Variants in FAS observed in about 807,000 individuals in gnomAD.
FAS encodes Fas cell surface death receptor, also known as tumor necrosis factor receptor superfamily member 6.
Under a neutral mutation model 33.2 loss-of-function variants are expected in FAS, and 5 were observed. The observed-to-expected ratio is 0.15, with a 90% confidence interval of 0.08 to 0.32. The LOEUF is 0.32. FAS is among the 10% of genes least tolerant of loss of function. FAS has a pLI of 1.00. For missense variants in FAS, 339 were observed against 386.0 expected, an observed-to-expected ratio of 0.88 and a Z score of 1.02; for synonymous variants, 131 against 130.7, an observed-to-expected ratio of 1.00 and a Z score of -0.01.
Position 89,016,035 on chromosome 10 carries a change from G to C in FAS, c.*1585G>C, listed in dbSNP as rs1365956013. On this transcript the variant is annotated 3_prime_UTR_variant, in exon 9 of 9. Transcript: ENST00000652046. The stretch of plus-strand genomic sequence containing the variant: ...ATTCCAGATACTGGAATGTGGATAA[G>C]AAAGTATACATTTCAAGGGGTAGGT... The C allele has an allele frequency of 4.2e-6, 1 of 237,998 alleles. No individual in the cohort carries two copies. Among genetic ancestry groups the C allele is most frequent in the Non-Finnish European group, 8.3e-6 (1 of 120,594 alleles). The allele number at this position is 237,998 out of a possible 1,614,324, so 14.7% of individuals were successfully genotyped here.
upstream of FAS, among the ~76,000 whole-genome samples, chr10:88,983,231 T>G (rs1423391933): frequency 6.6e-6 from 1 of 152,168 alleles, no homozygotes; most frequent in Non-Finnish European, 1.5e-5. Flanking sequence ...ACAGCAAAAA[T>G]TCTTACTTAG....
At chr10:88,987,467 T>C (rs566282824), upstream of FAS, among the ~76,000 whole-genome samples, 18 of 152,272 alleles carry the variant, frequency 1.2e-4, no homozygotes, top group Admixed American at 7.2e-4. Context: ...TCTTTCAGCA[T>C]GGTTTCCTCT....
chr10:88,976,024 C>T (rs1014869831), intron 2 of FAS, among the ~76,000 whole-genome samples: 2 of 152,202 alleles, frequency 1.3e-5, no homozygotes, highest in African/African-American at 2.4e-5. Context: ...GCCACTGAAT[C>T]TTATGTCCCA....
chr10:89,001,520 C>A (rs913048104), intron 1 of FAS, among the ~76,000 whole-genome samples: 1 of 151,256 alleles, frequency 6.6e-6, no homozygotes, highest in East Asian at 1.9e-4. Context: ...TATTTGTAAC[C>A]GTCATGCTAG....
rs1277211942 is a variant in FAS at position 89,016,704 on chromosome 10, G to A, written c.*2254G>A. On this transcript the variant is annotated 3_prime_UTR_variant, in exon 9 of 9. Coordinates refer to ENST00000652046, the MANE Select transcript of FAS (RefSeq NM_000043.6). ...CATTCTGGTGAACCTGGTTCTCTTT[G>A]TGGTGGGCATACTGGGTAGGAGAAT... 1 of 223,696 alleles carries A rather than the reference G, an allele frequency of 4.5e-6. No individual in the cohort carries two copies. The highest frequency in any genetic ancestry group is 2.2e-5 in the African/African-American group (1 of 44,776). 13.9% of individuals were successfully genotyped at this position (223,696 alleles called of 1,614,324 possible).
At chr10:88,975,421 G>T (rs986885887) in intron 2 of FAS, among the ~76,000 whole-genome samples, 1 of 152,122 alleles carries the variant, frequency 6.6e-6, no homozygotes, top group Admixed American at 6.5e-5. Context: ...GAAAGTGTTT[G>T]TTTTTTTCTT....
chr10:89,012,198 G>A (rs1848567541), intron 7 of FAS, 117 bp downstream of exon 7: 2 of 907,184 alleles, frequency 2.2e-6, no homozygotes, highest in African/African-American at 3.3e-5. Flanking sequence ...TTTTGTTTGA[G>A]ATGGAGTCTT....
intron 7 of FAS, among the ~76,000 whole-genome samples, chr10:89,013,069 A>G (rs1192078144): frequency 6.6e-6 from 1 of 152,160 alleles, no homozygotes; most frequent in Non-Finnish European, 1.5e-5. Context: ...TATATGAAAA[A>G]TAACCTCAAC....
At chr10:89,010,447 T>A (rs577052443) in intron 4 of FAS, 92 bp from the exon 5 acceptor site, 19 of 995,256 alleles carry the variant, frequency 1.9e-5, no homozygotes, top group Non-Finnish European at 3.0e-5. Flanking sequence ...CAAAGATGAA[T>A]AAAATGGCCC....
chr10:89,011,248 CCTT>C (rs1173435668), intron 6 of FAS, among the ~76,000 whole-genome samples: 1 of 152,172 alleles, frequency 6.6e-6, no homozygotes, highest in African/African-American at 2.4e-5. Context: ...AATTATTTCT[CCTT>C]CTTAACTTAA....
chr10:89,014,693 T>C lies in FAS; in HGVS notation c.*243T>C, dbSNP rs988540024. On this transcript the variant is annotated 3_prime_UTR_variant, in exon 9 of 9. Coordinates refer to ENST00000652046, the MANE Select transcript of FAS (RefSeq NM_000043.6). ...TGCAGTGGCATGCTAAGTACCCAAA[T>C]AGGAGTGTATGCAGAGGATGAAAGA... 1.5e-6 allele frequency: 1 copy of C among 654,710 alleles called. No individual in the cohort carries two copies. Among genetic ancestry groups the C allele is most frequent in the Non-Finnish European group, 2.8e-6 (1 of 355,694 alleles). 40.6% of individuals were successfully genotyped at this position (654,710 alleles called of 1,614,324 possible).
chr10:88,968,050 G>C (rs1273380309), intron 1 of FAS, among the ~76,000 whole-genome samples: 1 of 151,624 alleles, frequency 6.6e-6, no homozygotes, highest in South Asian at 2.1e-4. Flanking sequence ...TTCTACTTGT[G>C]ACCTTAAGGT....
At chr10:89,003,906 G>A (rs1848074676) in intron 2 of FAS, among the ~76,000 whole-genome samples, 1 of 152,170 alleles carries the variant, frequency 6.6e-6, no homozygotes, top group Admixed American at 6.5e-5. Flanking sequence ...TATGTTTCAT[G>A]GTTGTCCTCC....
At position 89,014,601 on chromosome 10, in the gene FAS, A is replaced by G. The variant is rs1848702510; in HGVS notation, c.*151A>G. 1.2e-6 allele frequency: 1 copy of G among 817,442 alleles called. No homozygotes were observed. The highest frequency in any genetic ancestry group is 1.7e-5 in the African/African-American group (1 of 59,332). The allele number at this position is 817,442 out of a possible 1,614,324, so 50.6% of individuals were successfully genotyped here. A position where few individuals can be genotyped will look rare whatever the true frequency, so the allele number is the denominator to read the frequency against. On this transcript the variant is annotated 3_prime_UTR_variant, in exon 9 of 9. Coordinates refer to ENST00000652046, the MANE Select transcript of FAS (RefSeq NM_000043.6). Reference sequence around the variant, plus strand: ...GCCAACATATTTGTAGATTTTTAATATCTCATGATTCTGCCTCCAAGGATG... The same window carrying G: ...GCCAACATATTTGTAGATTTTTAATGTCTCATGATTCTGCCTCCAAGGATG...
upstream of FAS, among the ~76,000 whole-genome samples, chr10:88,988,143 C>T (rs369443507): frequency 6.6e-6 from 1 of 152,086 alleles, no homozygotes; most frequent in East Asian, 1.9e-4. Context: ...GGTTCTATTT[C>T]TCTAGAGAAC....
chr10:88,972,555 T>A (rs929757588), intron 1 of FAS, among the ~76,000 whole-genome samples: 1 of 152,206 alleles, frequency 6.6e-6, no homozygotes. Context: ...TGTTTAATTT[T>A]TTTTCTAAAT....
chr10:88,973,433 C>A, intron 2 of FAS: 1 of 1,130,500 alleles, frequency 8.8e-7, no homozygotes, highest in Non-Finnish European at 1.2e-6. Context: ...TAGCCATTAT[C>A]TCTGCCTTTC....
intron 1 of FAS, among the ~76,000 whole-genome samples, chr10:88,966,617 G>A (rs1846322234): frequency 1.3e-5 from 2 of 152,186 alleles, no homozygotes; most frequent in South Asian, 4.1e-4. Context: ...CTTAGACAGA[G>A]TGCCTAAAAT....
upstream of FAS, chr10:88,990,763 C>A: frequency 7.2e-7 from 1 of 1,390,620 alleles, no homozygotes; most frequent in Non-Finnish European, 1.0e-6. This position sits in a 1 kb window ranked among gnomAD's most constrained non-coding sequence, Gnocchi z 4.9. Context: ...CGGAACACAC[C>A]CTGAGGCCAG....
Sources: allele counts gnomAD v4.1 joint callset (sites outside exome capture counted in the v4.1 genomes callset), GRCh38; gene constraint gnomAD v4.1.1; non-coding constraint Gnocchi (gnomAD v3.1); transcripts MANE v1.5; gene names NCBI Gene and HGNC (gene_info 2026-07-23, HGNC 2026-07-21).